ACTR3C: variants seen among roughly 807,000 people sequenced by gnomAD.
The protein encoded by ACTR3C is actin related protein 3C, also known as actin-related protein 3C.
ACTR3C carries 18 observed loss-of-function variants against 26.3 expected under a neutral mutation model. The observed-to-expected ratio is 0.68, with a 90% CI of 0.47 to 1.01. The LOEUF (loss-of-function observed/expected upper bound fraction) is 1.01. Among genes scored for constraint, ACTR3C ranks in the 50% least tolerant of loss-of-function variants. ACTR3C has a pLI of 0.00. For missense variants in ACTR3C, 184 were observed against 250.7 expected (o/e 0.73, Z 1.80); for synonymous variants, 55 against 94.5 (o/e 0.58, Z 2.42).
At chr7:150,059,817 G>T in the ACTR3C span, among the ~76,000 whole-genome samples, 2 of 152,190 alleles carry the variant, frequency 1.3e-5, no homozygotes, top group African/African-American at 4.8e-5. Context: ...AAGATGACAG[G>T]CTTGAAATCC....
chr7:150,152,849 C>G, the ACTR3C span, among the ~76,000 whole-genome samples: 1 of 152,180 alleles, frequency 6.6e-6, no homozygotes, highest in Non-Finnish European at 1.5e-5. Flanking sequence ...GAGTCAACTT[C>G]TTCCTGGTTT....
chr7:150,065,241 C>T, the ACTR3C span, among the ~76,000 whole-genome samples: 7 of 152,076 alleles, frequency 4.6e-5, no homozygotes, highest in South Asian at 2.1e-4. Flanking sequence ...AGGGAGACAT[C>T]GCATCATGTT....
the ACTR3C span, among the ~76,000 whole-genome samples, chr7:149,995,298 AC>A: frequency 6.6e-6 from 1 of 152,202 alleles, no homozygotes. Context: ...TTGCTCCTCC[AC>A]TTTCCCTTCT....
At chr7:150,307,437 T>G (rs1035874382) in intron 1 of ACTR3C, among the ~76,000 whole-genome samples, 1 of 152,212 alleles carries the variant, frequency 6.6e-6, no homozygotes, top group African/African-American at 2.4e-5. Flanking sequence ...CCTTAACTGA[T>G]CAGTCGACCT....
At chr7:150,130,882 A>G in the ACTR3C span, among the ~76,000 whole-genome samples, 1 of 152,204 alleles carries the variant, frequency 6.6e-6, no homozygotes, top group Non-Finnish European at 1.5e-5. Flanking sequence ...GCCAGACCCA[A>G]ATGATAGGTA....
chr7:150,290,431 G>C (rs533196958), intron 3 of ACTR3C, among the ~76,000 whole-genome samples: 1 of 152,352 alleles, frequency 6.6e-6, no homozygotes, highest in East Asian at 1.9e-4. Context: ...TTCTACAGGG[G>C]ATGAGCAGGA....
the ACTR3C span, among the ~76,000 whole-genome samples, chr7:149,985,426 ACTAT>A: frequency 6.6e-6 from 1 of 152,300 alleles, no homozygotes; most frequent in African/African-American, 2.4e-5. Flanking sequence ...TTGACTGTTT[ACTAT>A]CTGCCATGCA....
the ACTR3C span, among the ~76,000 whole-genome samples, chr7:150,131,208 G>A: frequency 6.6e-6 from 1 of 152,028 alleles, no homozygotes; most frequent in East Asian, 1.9e-4. Context: ...TGAACTTACT[G>A]TGCAATGAAG....
the ACTR3C span, among the ~76,000 whole-genome samples, chr7:150,201,502 C>T: frequency 6.6e-6 from 1 of 151,688 alleles, no homozygotes; most frequent in South Asian, 2.1e-4. Flanking sequence ...AATCCCAGCA[C>T]TTTGGGAGGC....
At chr7:149,977,615 C>G in the ACTR3C span, among the ~76,000 whole-genome samples, 1 of 152,226 alleles carries the variant, frequency 6.6e-6, no homozygotes, top group Non-Finnish European at 1.5e-5. Flanking sequence ...AATGGCCCCT[C>G]CTTCATTCAC....
chr7:150,014,992 T>C, the ACTR3C span, among the ~76,000 whole-genome samples: 1 of 152,174 alleles, frequency 6.6e-6, no homozygotes, highest in East Asian at 1.9e-4. Context: ...AATTAGGATG[T>C]ATGGAGAATA....
the ACTR3C span, among the ~76,000 whole-genome samples, chr7:150,000,171 T>TA: frequency 3.9e-5 from 6 of 152,302 alleles, no homozygotes; most frequent in African/African-American, 1.4e-4. Context: ...TCTTACATAA[T>TA]AAAAAATCTT....
At chr7:150,137,576 G>A in the ACTR3C span, among the ~76,000 whole-genome samples, 1 of 152,030 alleles carries the variant, frequency 6.6e-6, no homozygotes, top group Non-Finnish European at 1.5e-5. Context: ...TTTCCATATG[G>A]TATATTCCTT....
chr7:149,892,878 T>C, the ACTR3C span, among the ~76,000 whole-genome samples: 2 of 150,298 alleles, frequency 1.3e-5, no homozygotes, highest in Non-Finnish European at 3.0e-5. Flanking sequence ...AAAAAGCCGT[T>C]AAAATTTATC....
chr7:150,143,346 G>GGATATC, the ACTR3C span, among the ~76,000 whole-genome samples: 1 of 152,210 alleles, frequency 6.6e-6, no homozygotes, highest in South Asian at 2.1e-4. Flanking sequence ...ACAGAGTTAT[G>GGATATC]ATATCAAAGC....
the ACTR3C span, among the ~76,000 whole-genome samples, chr7:150,196,307 T>C: frequency 2.1e-4 from 32 of 152,380 alleles, no homozygotes; most frequent in East Asian, 6.2e-3. Context: ...ATTTTTGCTT[T>C]AGTTATATCT....
the ACTR3C span, among the ~76,000 whole-genome samples, chr7:149,924,937 A>T: frequency 6.6e-6 from 1 of 152,220 alleles, no homozygotes; most frequent in Non-Finnish European, 1.5e-5. Flanking sequence ...CCCAGTGACA[A>T]GTTTTTATAT....
the ACTR3C span, among the ~76,000 whole-genome samples, chr7:150,237,064 C>T: frequency 6.6e-6 from 1 of 151,190 alleles, no homozygotes; most frequent in Admixed American, 6.6e-5. Context: ...AGGTGAAGCC[C>T]ATAGTATTTT....
chr7:150,241,739 T>C (rs1181845641), downstream of ACTR3C, among the ~76,000 whole-genome samples: 1 of 152,124 alleles, frequency 6.6e-6, no homozygotes, highest in Non-Finnish European at 1.5e-5. Flanking sequence ...CCAATACATA[T>C]GTCTGCCCAA....
Sources: allele counts gnomAD v4.1 joint callset (sites outside exome capture counted in the v4.1 genomes callset), GRCh38; gene constraint gnomAD v4.1.1; transcripts MANE v1.5; gene names NCBI Gene and HGNC (gene_info 2026-07-23, HGNC 2026-07-21).